Variants in SLC17A8 observed in about 807,000 individuals in gnomAD.
SLC17A8 encodes vesicular glutamate transporter 3.
Under a neutral mutation model 58.0 loss-of-function variants are expected in SLC17A8, and 31 were observed. The ratio of observed to expected loss-of-function variants is 0.53; its 90% CI spans 0.40 to 0.72. SLC17A8 has a LOEUF of 0.72. SLC17A8 is among the 30% of genes least tolerant of loss of function. The pLI is 0.00. For synonymous variants in SLC17A8, 228 were observed against 249.0 expected, an observed-to-expected ratio of 0.92 and a Z score of 0.79; for missense variants, 655 against 727.8, an observed-to-expected ratio of 0.90 and a Z score of 1.15.
At position 100,379,189 on chromosome 12, in the gene SLC17A8, C is replaced by A. The variant is rs189689396; in HGVS notation, c.102-1512C>A. Among the ~76,000 whole-genome samples the A allele has an allele frequency of 1.3e-3, 193 of 152,036 alleles. 1 individual carries two copies. Among genetic ancestry groups the A allele is most frequent in the East Asian group, 9.1e-3 (47 of 5,146 alleles). ...CGGTGGCTCACGCCTGTAATCCCAG[C>A]ACTTTGGGAGGCCAAGGTGGGCGGA... is the stretch of plus-strand genomic sequence containing the variant. On this transcript the variant is annotated intron_variant, in intron 1 of 11. Coordinates refer to ENST00000323346, the MANE Select transcript of SLC17A8 (RefSeq NM_139319.3).
Position 100,357,332 on chromosome 12 carries a change from A to T in SLC17A8, c.-60A>T. On this transcript the variant is annotated 5_prime_UTR_variant, in exon 1 of 12. Coordinates refer to ENST00000323346, the MANE Select transcript of SLC17A8 (RefSeq NM_139319.3). ...CAAGGTGGTTCTCACACTGGAAATG[A>T]GGAAGGATGACAGTTTTTGAGACTG... is the stretch of plus-strand genomic sequence containing the variant. The T allele has an allele frequency of 1.1e-6, 1 of 948,608 alleles. No individual in the cohort carries two copies. The highest frequency in any genetic ancestry group is 1.7e-6 in the Non-Finnish European group (1 of 572,716). The allele number at this position is 948,608 out of a possible 1,614,324, so 58.8% of individuals were successfully genotyped here. A position where few individuals can be genotyped will look rare whatever the true frequency, so the allele number is the denominator to read the frequency against.
intron 1 of SLC17A8, among the ~76,000 whole-genome samples, chr12:100,374,919 C>A (rs777100895): frequency 6.6e-6 from 1 of 151,978 alleles, no homozygotes; most frequent in Non-Finnish European, 1.5e-5. Flanking sequence ...GGCTTCAGGT[C>A]AGCCAGCTGT....
chr12:100,410,147 G>C (rs562056275), intron 9 of SLC17A8, among the ~76,000 whole-genome samples: 1 of 152,038 alleles, frequency 6.6e-6, no homozygotes, highest in African/African-American at 2.4e-5. Context: ...ATCACCTGAG[G>C]TCAGAAGTTG....
At chr12:100,358,568 G>C (rs574433747) in intron 1 of SLC17A8, among the ~76,000 whole-genome samples, 1 of 152,112 alleles carries the variant, frequency 6.6e-6, no homozygotes, top group South Asian at 2.1e-4. Context: ...TATTATTTTA[G>C]TAATTAGAAA....
In SLC17A8 at chr12:100,401,790, G is replaced by C. The variant is rs769831257; in HGVS notation, c.690G>C (p.Gly230=). Residue 230 remains glycine, a synonymous_variant, in exon 6 of 12, where the codon GGG becomes GGC. Coordinates refer to ENST00000323346, the MANE Select transcript of SLC17A8 (RefSeq NM_139319.3). ...TTCTTGTTCCAGGTTCCTATGCAGG[G>C]GCAGTGGTTGCCATGCCCCTGGCTG... The part of the protein sequence containing the change: ...ATTSFCGSYA[G]AVVAMPLAGV... 61 of 1,613,642 alleles carry C rather than the reference G, an allele frequency of 3.8e-5. No individual in the cohort carries two copies. The highest frequency in any genetic ancestry group is 5.1e-5 in the Non-Finnish European group (60 of 1,179,746).
rs546028782 is a variant in SLC17A8, at chr12:100,403,642, G to A, written c.1054-396G>A. 1.2e-4 allele frequency among the ~76,000 whole-genome samples: 19 copies of A among 152,170 alleles called. No homozygotes were observed. In the South Asian group the frequency reaches 3.7e-3, roughly 30 times the overall value. On this transcript the variant is annotated intron_variant, in intron 8 of 11. Transcript: ENST00000323346. The stretch of plus-strand genomic sequence containing the variant: ...TCCTACAAGGGAAAGAACAGCAGCC[G>A]AGCAAACACAAATGTCTGCCTAGCT...
At position 100,418,120 on chromosome 12, in the gene SLC17A8, CTGTCCCCTCAT is replaced by C. The variant is rs760481346; in HGVS notation, c.1394_1404del (p.Pro465ArgfsTer10). The C allele has an allele frequency of 3.7e-6, 6 of 1,614,178 alleles. No individual in the cohort carries two copies. The highest frequency in any genetic ancestry group is 1.3e-5 in the African/African-American group (1 of 75,026). ...GAGTGGGAACCCTCTCTGGAATGGT[CTGTCCCCTCAT>C]TGTCGGTGCAATGACCAGGCACAAG... is the stretch of plus-strand genomic sequence containing the variant. On this transcript the variant is annotated frameshift_variant, in exon 11 of 12. Transcript: ENST00000323346. LOFTEE classifies it high-confidence loss of function.
intron 11 of SLC17A8, among the ~76,000 whole-genome samples, chr12:100,419,049 A>C (rs553033830): frequency 3.9e-5 from 6 of 152,312 alleles, no homozygotes; most frequent in African/African-American, 1.4e-4. Context: ...AAAATATTAT[A>C]AAGTTCTTGT....
intron 9 of SLC17A8, chr12:100,410,599 A>T (rs1026167962): frequency 7.9e-5 from 12 of 152,276 alleles, no homozygotes; most frequent in African/African-American, 2.9e-4. Context: ...CAGAGGTTGT[A>T]ATGAGCTGAG....
intron 5 of SLC17A8, among the ~76,000 whole-genome samples, chr12:100,398,208 C>T (rs1383873653): frequency 1.3e-5 from 2 of 152,148 alleles, no homozygotes; most frequent in Non-Finnish European, 2.9e-5. Context: ...CTTTGTGCCT[C>T]GTTGGGAATT....
At position 100,357,173 on chromosome 12, in the gene SLC17A8, T is replaced by C. The variant is rs989936133; in HGVS notation, c.-219T>C. ...CCCAGCCAGACACCCCTTGGACTCT[T>C]TTTTGGAGGGGTGGGGAGCAGAGAG... On this transcript the variant is annotated 5_prime_UTR_variant, in exon 1 of 12. Transcript: ENST00000323346. The C allele has an allele frequency of 1.1e-4, 57 of 511,082 alleles. No individual in the cohort carries two copies. The highest frequency in any genetic ancestry group is 1.9e-4 in the Non-Finnish European group (53 of 282,210). The allele number at this position is 511,082 out of a possible 1,614,324, so 31.7% of individuals were successfully genotyped here.
rs1024493573 is a variant in SLC17A8, at chr12:100,357,337, G to A, written c.-55G>A. ...TGGTTCTCACACTGGAAATGAGGAAGGATGACAGTTTTTGAGACTGACTGT... is the reference window on the plus strand; with the variant it reads ...TGGTTCTCACACTGGAAATGAGGAAAGATGACAGTTTTTGAGACTGACTGT... On this transcript the variant is annotated 5_prime_UTR_variant, in exon 1 of 12. Coordinates refer to ENST00000323346, the MANE Select transcript of SLC17A8 (RefSeq NM_139319.3). 9.1e-6 allele frequency: 9 copies of A among 985,982 alleles called. No homozygotes were observed. The African/African-American group carries it at 1.4e-4, about 16-fold the overall frequency. 61.1% of individuals were successfully genotyped at this position (985,982 alleles called of 1,614,324 possible).
chr12:100,418,684 C>G (rs1400773795), intron 11 of SLC17A8, among the ~76,000 whole-genome samples: 9 of 152,156 alleles, frequency 5.9e-5, no homozygotes, highest in Admixed American at 5.9e-4. Context: ...CAGAGTTCAA[C>G]CACAGCCCAC....
chr12:100,409,422 G>A (rs1049463121), intron 9 of SLC17A8, among the ~76,000 whole-genome samples: 1 of 152,140 alleles, frequency 6.6e-6, no homozygotes, highest in Admixed American at 6.5e-5. Context: ...CTGACGTCAG[G>A]TGATCCGCCT....
At chr12:100,405,963 A>G (rs1273999404) in intron 9 of SLC17A8, among the ~76,000 whole-genome samples, 1 of 152,194 alleles carries the variant, frequency 6.6e-6, no homozygotes, top group African/African-American at 2.4e-5. Context: ...TCAGGGCAAT[A>G]GTGAGAACTT....
intron 2 of SLC17A8, among the ~76,000 whole-genome samples, chr12:100,386,103 T>C (rs1377641256): frequency 6.6e-6 from 1 of 152,202 alleles, no homozygotes; most frequent in East Asian, 1.9e-4. Context: ...TATCTCATTT[T>C]AAGATTCTTG....
intron 11 of SLC17A8, 81 bp downstream of exon 11, chr12:100,418,237 T>G: frequency 6.4e-7 from 1 of 1,568,236 alleles, no homozygotes; most frequent in Non-Finnish European, 8.8e-7. Flanking sequence ...AAGGCTCTAC[T>G]GCAGTCTGTA....
In SLC17A8 at chr12:100,421,061, C is replaced by T. The variant is rs1412426727; in HGVS notation, c.*902C>T. Reference sequence around the variant, plus strand: ...GCAAGAGAGCCAAATTTTTAGAAATCTGATGGTCAAAATAGCTGAAAGCAG... The same window carrying T: ...GCAAGAGAGCCAAATTTTTAGAAATTTGATGGTCAAAATAGCTGAAAGCAG... On this transcript the variant is annotated 3_prime_UTR_variant, in exon 12 of 12. Coordinates refer to ENST00000323346, the MANE Select transcript of SLC17A8 (RefSeq NM_139319.3). The T allele has an allele frequency of 1.3e-5, 2 of 152,124 alleles. No individual in the cohort carries two copies. Among genetic ancestry groups the T allele is most frequent in the East Asian group, 3.8e-4 (2 of 5,198 alleles). 9.4% of individuals were successfully genotyped at this position (152,124 alleles called of 1,614,324 possible).
At chr12:100,362,353 T>C (rs1389790505) in intron 1 of SLC17A8, among the ~76,000 whole-genome samples, 1 of 152,132 alleles carries the variant, frequency 6.6e-6, no homozygotes, top group Non-Finnish European at 1.5e-5. Context: ...CACTCGGACA[T>C]CTCCTGATAC....
Sources: allele counts gnomAD v4.1 joint callset (sites outside exome capture counted in the v4.1 genomes callset), GRCh38; gene constraint gnomAD v4.1.1; transcripts MANE v1.5; gene names NCBI Gene and HGNC (gene_info 2026-07-23, HGNC 2026-07-21).